TRPM3: variants seen among roughly 807,000 people sequenced by gnomAD.
TRPM3 encodes long transient receptor potential channel 3.
Under a neutral mutation model 181.2 loss-of-function variants are expected in TRPM3, and 77 were observed. That is an observed-to-expected ratio of 0.42 (90% confidence interval 0.35 to 0.51). The LOEUF is 0.51. TRPM3 is among the 20% of genes least tolerant of loss of function. TRPM3 has a pLI of 0.01. For synonymous variants in TRPM3, 745 were observed against 796.4 expected (o/e 0.94, Z 1.09); for missense variants, 1,759 against 2,196.7 (o/e 0.80, Z 3.98).
intron 1 of TRPM3, among the ~76,000 whole-genome samples, chr9:71,248,484 A>G (rs895821383): frequency 2.6e-5 from 4 of 152,200 alleles, no homozygotes; most frequent in African/African-American, 7.2e-5. Context: ...GACAGAAAGG[A>G]TATCTTTTAG....
At chr9:70,769,073 C>T (rs149077174) in intron 7 of TRPM3, among the ~76,000 whole-genome samples, 7 of 152,264 alleles carry the variant, frequency 4.6e-5, no homozygotes, top group African/African-American at 1.7e-4. Context: ...GTCCATTTCC[C>T]AGTGTTAATT....
chr9:70,933,791 A>G (rs1243769043), intron 1 of TRPM3, among the ~76,000 whole-genome samples: 1 of 152,086 alleles, frequency 6.6e-6, no homozygotes, highest in East Asian at 1.9e-4. Context: ...GGGAAAGACA[A>G]GTTGAATCTA....
chr9:70,842,064 A>G (rs1754692841), intron 5 of TRPM3, among the ~76,000 whole-genome samples: 1 of 152,050 alleles, frequency 6.6e-6, no homozygotes, highest in Non-Finnish European at 1.5e-5. Flanking sequence ...GTACTCCATA[A>G]AGATATTTTT....
chr9:71,026,764 C>A (rs1025017002), intron 1 of TRPM3, among the ~76,000 whole-genome samples: 3 of 152,202 alleles, frequency 2.0e-5, no homozygotes, highest in African/African-American at 7.2e-5. Context: ...CCACCACTGC[C>A]AGTGTGAATG....
chr9:70,950,397 A>G (rs1011069371), intron 1 of TRPM3, among the ~76,000 whole-genome samples: 4 of 152,212 alleles, frequency 2.6e-5, no homozygotes, highest in African/African-American at 7.2e-5. Flanking sequence ...AAACATAGAT[A>G]GGAAAACCTC....
At chr9:70,981,262 G>A (rs1325086714) in intron 1 of TRPM3, among the ~76,000 whole-genome samples, 1 of 152,174 alleles carries the variant, frequency 6.6e-6, no homozygotes, top group East Asian at 1.9e-4. Context: ...TAGCGTAGAA[G>A]AGCTTGAAAA....
chr9:71,069,955 CA>C (rs1347163033), intron 1 of TRPM3, among the ~76,000 whole-genome samples: 1 of 152,162 alleles, frequency 6.6e-6, no homozygotes, highest in Non-Finnish European at 1.5e-5. Flanking sequence ...CCCTCAACAC[CA>C]ATCTGTTCTG....
At chr9:70,595,808 T>C (rs374686148) in intron 21 of TRPM3, among the ~76,000 whole-genome samples, 26 of 152,304 alleles carry the variant, frequency 1.7e-4, no homozygotes, top group Middle Eastern at 3.4e-3. Flanking sequence ...GAAGATGATA[T>C]AACAGGCAGT....
intron 9 of TRPM3, among the ~76,000 whole-genome samples, chr9:70,672,381 C>T (rs1393389675): frequency 6.6e-6 from 1 of 152,182 alleles, no homozygotes; most frequent in Non-Finnish European, 1.5e-5. Flanking sequence ...ATCACTCTGT[C>T]TAACCTATGT....
rs59612871 is a variant in TRPM3 at position 71,121,615 on chromosome 9, C to A, written c.-261G>T. 8.2e-7 allele frequency: 1 copy of A among 1,226,772 alleles called. No homozygotes were observed. Among genetic ancestry groups the A allele is most frequent in the African/African-American group, 1.5e-5 (1 of 64,666 alleles). 76.0% of individuals were successfully genotyped at this position (1,226,772 alleles called of 1,614,324 possible). On this transcript the variant is annotated 5_prime_UTR_variant, in exon 1 of 26. Coordinates refer to ENST00000677713, the MANE Select transcript of TRPM3 (RefSeq NM_001366145.2). ...GTGGTCGGAGTCAAAGCAGCCTGCT[C>A]CAGAATGCGCGCTCCCTCTCCCGCT...
chr9:71,303,836 A>G (rs2132346366), intron 1 of TRPM3, among the ~76,000 whole-genome samples: 1 of 152,336 alleles, frequency 6.6e-6, no homozygotes, highest in East Asian at 1.9e-4. Flanking sequence ...GGAAAATAAA[A>G]CTATGCTTTA....
At chr9:70,858,780 T>C (rs1459626803) in intron 3 of TRPM3, among the ~76,000 whole-genome samples, 1 of 151,964 alleles carries the variant, frequency 6.6e-6, no homozygotes, top group Non-Finnish European at 1.5e-5. Flanking sequence ...TTAGGGTCCA[T>C]TGCTGTGCAC....
Position 71,086,827 on chromosome 9 carries a change from G to T in TRPM3, c.177+34351C>A, listed in dbSNP as rs577602108. Among the ~76,000 whole-genome samples the T allele has an allele frequency of 2.0e-3, 307 of 152,152 alleles. 2 individuals are homozygous for T. Among genetic ancestry groups the T allele is most frequent in the African/African-American group, 6.7e-3 (280 of 41,550 alleles). ...AACTTAATATTCTAGGCAGAGCTAG[G>T]AGTAGGTTAGGATGAGTGAGGCACC... On this transcript the variant is annotated intron_variant, in intron 1 of 25. Transcript: ENST00000677713.
intron 7 of TRPM3, among the ~76,000 whole-genome samples, chr9:70,769,138 A>T (rs755793185): frequency 6.6e-6 from 1 of 152,160 alleles, no homozygotes; most frequent in Non-Finnish European, 1.5e-5. Context: ...AACCCCTGCA[A>T]TAGCTTTCCA....
At chr9:71,431,185 C>A (rs1026770811) in intron 1 of TRPM3, among the ~76,000 whole-genome samples, 1 of 152,138 alleles carries the variant, frequency 6.6e-6, no homozygotes, top group Non-Finnish European at 1.5e-5. Context: ...CTCACACACA[C>A]ACACACAGAG....
chr9:71,423,568 C>T (rs2093814168), intron 1 of TRPM3, among the ~76,000 whole-genome samples: 1 of 152,048 alleles, frequency 6.6e-6, no homozygotes, highest in African/African-American at 2.4e-5. Flanking sequence ...ATATTTTATG[C>T]TTATTACTGA....
Position 71,031,457 on chromosome 9 carries a change from G to A in TRPM3, c.177+89721C>T, listed in dbSNP as rs532456861. Among the ~76,000 whole-genome samples, 162 of 152,218 alleles carry A rather than the reference G, an allele frequency of 1.1e-3. 1 individual carries two copies. Among genetic ancestry groups the A allele is most frequent in the African/African-American group, 3.7e-3 (155 of 41,538 alleles). On this transcript the variant is annotated intron_variant, in intron 1 of 25. Transcript: ENST00000677713. ...ACAACTCCTTGGTCAGGTTGCTATC[G>A]AGAATGGAGGCATTACAGATGAGAT...
At chr9:70,648,343 G>C (rs7026282) in intron 9 of TRPM3, among the ~76,000 whole-genome samples, 132 of 152,196 alleles carry the variant, frequency 8.7e-4, no homozygotes, top group African/African-American at 3.1e-3. Flanking sequence ...AGGCATGGTG[G>C]CATGTACTTG....
chr9:71,205,335 C>T (rs1453950388), intron 1 of TRPM3, among the ~76,000 whole-genome samples: 1 of 152,090 alleles, frequency 6.6e-6, no homozygotes, highest in East Asian at 1.9e-4. Flanking sequence ...TATTTTTACT[C>T]TCAAAACTTT....
Sources: gnomAD v4.1 joint callset for allele counts (sites outside exome capture counted in the v4.1 genomes callset) on GRCh38, gnomAD v4.1.1 for gene constraint, MANE v1.5 for transcripts, NCBI Gene and HGNC (gene_info 2026-07-23, HGNC 2026-07-21) for gene names.